SLC35F3: variants seen among roughly 807,000 people sequenced by gnomAD.
SLC35F3 encodes the protein solute carrier family 35 member F3, also known as putative thiamine transporter SLC35F3.
Under a neutral mutation model 49.9 loss-of-function variants are expected in SLC35F3, and 25 were observed. The ratio of observed to expected loss-of-function variants is 0.50; its 90% CI spans 0.37 to 0.70. SLC35F3 has a LOEUF of 0.70. SLC35F3 is among the 30% of genes least tolerant of loss of function. The pLI is 0.00. For synonymous variants in SLC35F3, 275 were observed against 265.4 expected (o/e 1.04, Z -0.35); for missense variants, 525 against 639.8 (o/e 0.82, Z 1.94).
chr1:234,237,982 G>A (rs989029682), intron 3 of SLC35F3, among the ~76,000 whole-genome samples: 2 of 152,182 alleles, frequency 1.3e-5, no homozygotes, highest in Admixed American at 6.5e-5. Flanking sequence ...GGGATTAAAG[G>A]CATGAGCCAC....
At chr1:234,243,826 T>A (rs1179473674) in intron 3 of SLC35F3, among the ~76,000 whole-genome samples, 1 of 152,156 alleles carries the variant, frequency 6.6e-6, no homozygotes, top group East Asian at 1.9e-4. Flanking sequence ...TCTCCCAGCC[T>A]CCCCTGGCAT....
chr1:234,226,954 C>T (rs1667294154), intron 2 of SLC35F3, among the ~76,000 whole-genome samples: 1 of 136,864 alleles, frequency 7.3e-6, no homozygotes, highest in Non-Finnish European at 1.5e-5. Context: ...GGCGTGCGCG[C>T]ACGCGTGCAC....
intron 2 of SLC35F3, among the ~76,000 whole-genome samples, chr1:234,068,356 G>A (rs1431242071): frequency 6.6e-6 from 1 of 152,160 alleles, no homozygotes; most frequent in Non-Finnish European, 1.5e-5. Context: ...AACAACTGCT[G>A]TCAGCCAGAT....
At chr1:234,090,540 T>C (rs1408737055) in intron 2 of SLC35F3, among the ~76,000 whole-genome samples, 4 of 152,192 alleles carry the variant, frequency 2.6e-5, no homozygotes, top group African/African-American at 9.7e-5. Flanking sequence ...CAGCATGGTC[T>C]AAAGTATGGG....
chr1:233,968,493 TTTTC>T (rs757841525), intron 2 of SLC35F3, among the ~76,000 whole-genome samples: 51 of 32,980 alleles, frequency 1.5e-3, no homozygotes, highest in South Asian at 2.6e-3. Context: ...TTCTTTTTCT[TTTTC>T]TTTTGTTTTT....
intron 2 of SLC35F3, among the ~76,000 whole-genome samples, chr1:234,195,840 A>T (rs1666801536): frequency 6.6e-6 from 1 of 152,118 alleles, no homozygotes. Context: ...AATAAGTCTC[A>T]CAAGATCTGA....
intron 2 of SLC35F3, among the ~76,000 whole-genome samples, chr1:234,113,919 G>A (rs1222394788): frequency 1.3e-5 from 2 of 152,238 alleles, no homozygotes; most frequent in African/African-American, 4.8e-5. Context: ...TCTCAGCAAA[G>A]TGCAAAGACT....
chr1:234,218,690 G>A (rs142625046), intron 2 of SLC35F3, among the ~76,000 whole-genome samples: 1 of 152,298 alleles, frequency 6.6e-6, no homozygotes, highest in East Asian at 1.9e-4. Context: ...AATGTTGCAA[G>A]ACCTTTGCAC....
chr1:234,124,123 T>A lies in SLC35F3; in HGVS notation c.284-107294T>A, dbSNP rs544051304. Among the ~76,000 whole-genome samples, 4 of 152,222 alleles carry A rather than the reference T, an allele frequency of 2.6e-5. No individual in the cohort carries two copies. The South Asian group carries it at 8.3e-4, about 32-fold the overall frequency. ...CCCACTGAGAGTCTTCAGTGTTCATTTTACCAACAACTCTGAACTCTTACT... is the reference window on the plus strand; with the variant it reads ...CCCACTGAGAGTCTTCAGTGTTCATATTACCAACAACTCTGAACTCTTACT... On this transcript the variant is annotated intron_variant, in intron 2 of 7. Transcript: ENST00000366618.
chr1:234,139,951 T>TAATAAATAAAATAAAATAA (rs1665868204), intron 2 of SLC35F3, among the ~76,000 whole-genome samples: 4 of 90,564 alleles, frequency 4.4e-5, no homozygotes, highest in Non-Finnish European at 4.6e-5. Context: ...CATCTCAAAA[T>TAATAAATAAAATAAAATAA]AATAAAATAA....
At chr1:234,026,366 T>C (rs963751399) in intron 2 of SLC35F3, among the ~76,000 whole-genome samples, 2 of 152,226 alleles carry the variant, frequency 1.3e-5, no homozygotes, top group African/African-American at 2.4e-5. Context: ...GTATGTTAAA[T>C]GGCAATGTTT....
rs146143402 is a variant in SLC35F3 at position 234,239,620 on chromosome 1, C to A, written c.608+7879C>A. ...AGCCCTGTGCTCTGCAGCCTCAGAC[C>A]TCTCCAGAAATACTACTAGGAAAGA... On this transcript the variant is annotated intron_variant, in intron 3 of 7. Coordinates refer to ENST00000366618, the MANE Select transcript of SLC35F3 (RefSeq NM_173508.4). Among the ~76,000 whole-genome samples, 155 of 152,322 alleles carry A rather than the reference C, an allele frequency of 1.0e-3. 1 individual carries two copies. In the East Asian group the frequency reaches 0.019, roughly 18 times the overall value.
At chr1:233,940,171 T>C (rs1662397632) in intron 2 of SLC35F3, among the ~76,000 whole-genome samples, 1 of 152,162 alleles carries the variant, frequency 6.6e-6, no homozygotes, top group Non-Finnish European at 1.5e-5. Context: ...TTTCACTTAA[T>C]CTATGTATGC....
At chr1:234,003,743 A>G (rs1322478232) in intron 2 of SLC35F3, among the ~76,000 whole-genome samples, 1 of 152,222 alleles carries the variant, frequency 6.6e-6, no homozygotes, top group African/African-American at 2.4e-5. Flanking sequence ...GGAATACGGA[A>G]TGAACTCCTA....
At chr1:234,181,665 G>T (rs1025880298) in intron 2 of SLC35F3, among the ~76,000 whole-genome samples, 1 of 152,074 alleles carries the variant, frequency 6.6e-6, no homozygotes, top group African/African-American at 2.4e-5. Context: ...GTTGCTGATG[G>T]CATCTCTGTG....
chr1:233,956,540 T>C (rs1383584587), intron 2 of SLC35F3, among the ~76,000 whole-genome samples: 1 of 152,134 alleles, frequency 6.6e-6, no homozygotes, highest in Admixed American at 6.5e-5. Context: ...TCTTCCCCTA[T>C]GGAAGAGTAG....
At chr1:233,956,255 G>A (rs1389041127) in intron 2 of SLC35F3, among the ~76,000 whole-genome samples, 2 of 152,110 alleles carry the variant, frequency 1.3e-5, no homozygotes, top group Non-Finnish European at 1.5e-5. Flanking sequence ...TCTAGAATTG[G>A]TAGCAGAGTC....
In SLC35F3 at chr1:234,214,116, G is replaced by A; in HGVS notation, c.284-17301G>A. On this transcript the variant is annotated intron_variant, in intron 2 of 7. Transcript: ENST00000366618. The surrounding 1 kb of genome is among the most constrained non-coding windows in gnomAD (Gnocchi z 8.0). ...GAGGCTGCAGTCAGGACCTGGCTGG[G>A]AGGAAGACAGGGATGAGGGCTGCGG... 2 of 1,002,042 alleles carry A rather than the reference G, an allele frequency of 2.0e-6. No individual in the cohort carries two copies. The highest frequency in any genetic ancestry group is 1.7e-5 in the African/African-American group (1 of 58,322). The allele number at this position is 1,002,042 out of a possible 1,614,324, so 62.1% of individuals were successfully genotyped here.
chr1:233,960,100 G>A (rs762493832), intron 2 of SLC35F3, among the ~76,000 whole-genome samples: 13 of 152,184 alleles, frequency 8.5e-5, no homozygotes, highest in Admixed American at 5.2e-4. Flanking sequence ...TCTAGATCCC[G>A]ACCTGTCTGT....
Sources: allele counts gnomAD v4.1 joint callset (sites outside exome capture counted in the v4.1 genomes callset), GRCh38; gene constraint gnomAD v4.1.1; non-coding constraint Gnocchi (gnomAD v3.1); transcripts MANE v1.5; gene names NCBI Gene and HGNC (gene_info 2026-07-23, HGNC 2026-07-21).